The following PRRX1 variants were observed in gnomAD, a reference collection of about 807,000 sequenced individuals.
PRRX1 encodes the protein paired related homeobox 1.
A neutral mutation model predicts 24.0 loss-of-function variants in PRRX1; 8 were observed. The observed-to-expected ratio is 0.33, with a 90% CI of 0.20 to 0.60. The LOEUF (loss-of-function observed/expected upper bound fraction) is 0.60. PRRX1 is among the 20% of genes least tolerant of loss of function. The pLI, the probability that PRRX1 is intolerant of heterozygous loss-of-function variation, is 0.82. For missense variants in PRRX1, 281 were observed against 322.4 expected (o/e 0.87, Z 0.98); for synonymous variants, 160 against 131.7 (o/e 1.22, Z -1.47).
chr1:170,719,589 G>C, intron 1 of PRRX1, 137 bp from the exon 2 acceptor site: 10 of 948,704 alleles, frequency 1.1e-5, no homozygotes, highest in Non-Finnish European at 1.6e-5. Context: ...CACATGCAAA[G>C]TGGCATTTGG....
At chr1:170,689,893 CGTGT>C (rs770375970) in intron 1 of PRRX1, among the ~76,000 whole-genome samples, 3 of 121,264 alleles carry the variant, frequency 2.5e-5, no homozygotes, top group Non-Finnish European at 5.4e-5. Flanking sequence ...TGTGTGTGTG[CGTGT>C]GTGTGTGTGT....
intron 1 of PRRX1, among the ~76,000 whole-genome samples, chr1:170,688,953 A>G (rs1263079180): frequency 6.6e-6 from 1 of 152,118 alleles, no homozygotes; most frequent in Non-Finnish European, 1.5e-5. Flanking sequence ...TGACAATATA[A>G]TTGTTATCAA....
chr1:170,695,597 T>C (rs1654139831), intron 1 of PRRX1, among the ~76,000 whole-genome samples: 1 of 152,136 alleles, frequency 6.6e-6, no homozygotes, highest in Non-Finnish European at 1.5e-5. Flanking sequence ...AGACCACAAT[T>C]TTTTATGTGG....
intron 3 of PRRX1, among the ~76,000 whole-genome samples, chr1:170,735,514 T>C (rs1414619857): frequency 6.6e-6 from 1 of 152,192 alleles, no homozygotes; most frequent in African/African-American, 2.4e-5. Flanking sequence ...GAACATATGT[T>C]AGGTTGTTTA....
At chr1:170,705,138 T>C (rs1654516829) in intron 1 of PRRX1, among the ~76,000 whole-genome samples, 1 of 152,338 alleles carries the variant, frequency 6.6e-6, no homozygotes, top group Non-Finnish European at 1.5e-5. Context: ...GTCACCACTT[T>C]GCCACTTTCC....
Position 170,719,591 on chromosome 1 carries a change from GGCATTT to G in PRRX1, c.242-133_242-128del. On this transcript the variant is annotated intron_variant, in intron 1 of 3. Transcript: ENST00000239461. ...ATGGCCACATTTGCACATGCAAAGTGGCATTTGGCTATAGGACTTTGATAAAGATGT... is the reference window on the plus strand; with the variant it reads ...ATGGCCACATTTGCACATGCAAAGTGGGCTATAGGACTTTGATAAAGATGT... The G allele has an allele frequency of 4.2e-6, 4 of 957,956 alleles. No individual in the cohort carries two copies. In the South Asian group the frequency reaches 5.7e-5, roughly 14 times the overall value. 59.3% of individuals were successfully genotyped at this position (957,956 alleles called of 1,614,324 possible).
intron 1 of PRRX1, among the ~76,000 whole-genome samples, chr1:170,703,861 C>A (rs577433821): frequency 6.6e-6 from 1 of 152,042 alleles, no homozygotes; most frequent in South Asian, 2.1e-4. Context: ...GTAGTTGAGA[C>A]CAAAATACAT....
At chr1:170,682,466 A>T (rs898257747) in intron 1 of PRRX1, among the ~76,000 whole-genome samples, 4 of 152,170 alleles carry the variant, frequency 2.6e-5, no homozygotes, top group Non-Finnish European at 5.9e-5. Context: ...AATTATCATC[A>T]TCTAGGCAAA....
At chr1:170,714,396 T>C (rs1433922861) in intron 1 of PRRX1, among the ~76,000 whole-genome samples, 1 of 152,204 alleles carries the variant, frequency 6.6e-6, no homozygotes, top group Non-Finnish European at 1.5e-5. Context: ...TAGATCCGCT[T>C]GCCTGCCATG....
chr1:170,735,862 C>T (rs1376548086), intron 3 of PRRX1, among the ~76,000 whole-genome samples, 186 bp from the exon 4 acceptor site: 2 of 152,156 alleles, frequency 1.3e-5, no homozygotes, highest in Non-Finnish European at 2.9e-5. Context: ...CAAAACATGA[C>T]CACTCTTCCC....
At chr1:170,710,465 T>C (rs2101910807) in intron 1 of PRRX1, among the ~76,000 whole-genome samples, 1 of 152,314 alleles carries the variant, frequency 6.6e-6, no homozygotes, top group African/African-American at 2.4e-5. Context: ...CCAAAGCCAT[T>C]TCCACTATTG....
rs1344022383 is a variant in PRRX1, at chr1:170,737,364, G to A, written c.*1178G>A. 1 of 191,506 alleles carries A rather than the reference G, an allele frequency of 5.2e-6. No individual in the cohort carries two copies. The highest frequency in any genetic ancestry group is 1.1e-5 in the Non-Finnish European group (1 of 91,532). 11.9% of individuals were successfully genotyped at this position (191,506 alleles called of 1,614,324 possible). The stretch of plus-strand genomic sequence containing the variant: ...TGATAGGGCAGCTGTTTGAGAACAG[G>A]TCCCATTTTCACATTAGGGCTTTAA... On this transcript the variant is annotated 3_prime_UTR_variant, in exon 4 of 4. Transcript: ENST00000239461.
chr1:170,709,272 G>C (rs1280399854), intron 1 of PRRX1, among the ~76,000 whole-genome samples: 1 of 152,104 alleles, frequency 6.6e-6, no homozygotes, highest in South Asian at 2.1e-4. Flanking sequence ...AAGGAGAAGG[G>C]GCCATTAATG....
intron 1 of PRRX1, among the ~76,000 whole-genome samples, chr1:170,682,516 G>A (rs1358985312): frequency 6.6e-6 from 1 of 152,002 alleles, no homozygotes; most frequent in Non-Finnish European, 1.5e-5. Flanking sequence ...CCCATCTCCT[G>A]GGATTTGTTA....
intron 1 of PRRX1, among the ~76,000 whole-genome samples, chr1:170,702,811 A>T (rs1654433624): frequency 6.6e-6 from 1 of 152,230 alleles, no homozygotes; most frequent in Non-Finnish European, 1.5e-5. Context: ...TGTTTTTTAA[A>T]ACCCAGAAAG....
At chr1:170,667,053 C>T (rs1304699509) in intron 1 of PRRX1, among the ~76,000 whole-genome samples, 1 of 151,998 alleles carries the variant, frequency 6.6e-6, no homozygotes, top group Non-Finnish European at 1.5e-5. Flanking sequence ...CTGTATGTCC[C>T]GGGAGAAGGG....
rs980424226 is a variant in PRRX1, at chr1:170,690,788, G to T, written c.241+26329G>T. 9.2e-5 allele frequency among the ~76,000 whole-genome samples: 14 copies of T among 152,190 alleles called. 1 individual carries two copies. The highest frequency in any genetic ancestry group is 3.1e-4 in the African/African-American group (13 of 41,546). On this transcript the variant is annotated intron_variant, in intron 1 of 3. Coordinates refer to ENST00000239461, the MANE Select transcript of PRRX1 (RefSeq NM_022716.4). ...CCCTGGAACTGTGACTCTGGGAAAG[G>T]TATCAGTAAAATTAAATTTAGAAGA... is the stretch of plus-strand genomic sequence containing the variant.
chr1:170,718,758 T>A (rs541079512), intron 1 of PRRX1, among the ~76,000 whole-genome samples: 2 of 152,186 alleles, frequency 1.3e-5, no homozygotes, highest in Non-Finnish European at 2.9e-5. Flanking sequence ...GATTGAGGTG[T>A]CAGCACAGCT....
intron 1 of PRRX1, among the ~76,000 whole-genome samples, chr1:170,688,420 C>G (rs923828040): frequency 2.0e-5 from 3 of 151,834 alleles, no homozygotes; most frequent in African/African-American, 7.3e-5. Flanking sequence ...TAAAAATTTA[C>G]TCTTAAAGAT....
Sources: gnomAD v4.1 joint callset for allele counts (sites outside exome capture counted in the v4.1 genomes callset) on GRCh38, gnomAD v4.1.1 for gene constraint, MANE v1.5 for transcripts, NCBI Gene and HGNC (gene_info 2026-07-23, HGNC 2026-07-21) for gene names.